Variants in CELF2 observed in about 807,000 individuals in gnomAD.
CELF2 encodes CUG triplet repeat RNA-binding protein 2.
A neutral mutation model predicts 62.6 loss-of-function variants in CELF2; 8 were observed. The ratio of observed to expected loss-of-function variants is 0.13; its 90% CI spans 0.07 to 0.23. The LOEUF (loss-of-function observed/expected upper bound fraction) is 0.23. CELF2 is among the 10% of genes least tolerant of loss of function. CELF2 has a pLI of 1.00. For synonymous variants in CELF2, 258 were observed against 250.0 expected (o/e 1.03, Z -0.30); for missense variants, 333 against 671.0 (o/e 0.50, Z 5.56).
At chr10:10,602,389 A>G in the CELF2 span, among the ~76,000 whole-genome samples, 63 of 152,242 alleles carry the variant, frequency 4.1e-4, no homozygotes, top group Non-Finnish European at 7.9e-4. Context: ...ACTCTTACTC[A>G]TGTGTAGTCC....
the CELF2 span, among the ~76,000 whole-genome samples, chr10:10,721,386 C>A: frequency 1.8e-4 from 28 of 152,202 alleles, no homozygotes; most frequent in African/African-American, 6.3e-4. Flanking sequence ...CTATACCCAA[C>A]CATCAAATAT....
the CELF2 span, among the ~76,000 whole-genome samples, chr10:10,610,114 C>T: frequency 6.6e-6 from 1 of 152,172 alleles, no homozygotes; most frequent in Admixed American, 6.5e-5. Context: ...TTAGTTCAGG[C>T]TGCAATACCC....
intron 2 of CELF2, among the ~76,000 whole-genome samples, chr10:10,927,488 C>T (rs2065641574): frequency 6.6e-6 from 1 of 151,896 alleles, no homozygotes; most frequent in Non-Finnish European, 1.5e-5. Flanking sequence ...AGTTCAGTGG[C>T]ATGATCATAG....
chr10:11,326,329 C>T (rs765318066), intron 12 of CELF2, among the ~76,000 whole-genome samples: 2 of 152,212 alleles, frequency 1.3e-5, no homozygotes, highest in Non-Finnish European at 2.9e-5. Flanking sequence ...CATACACGCA[C>T]ACAAAGACAC....
intron 2 of CELF2, among the ~76,000 whole-genome samples, chr10:10,961,368 G>T (rs1423121838): frequency 6.6e-6 from 1 of 152,202 alleles, no homozygotes; most frequent in Non-Finnish European, 1.5e-5. Flanking sequence ...AAAGTAAGGA[G>T]TGGGTGATAT....
intron 1 of CELF2, among the ~76,000 whole-genome samples, chr10:10,809,462 A>G (rs985930290): frequency 6.6e-6 from 1 of 152,224 alleles, no homozygotes; most frequent in Non-Finnish European, 1.5e-5. Context: ...TTCGGGTTTC[A>G]TCTTATACTT....
intron 2 of CELF2, among the ~76,000 whole-genome samples, chr10:11,196,173 T>C (rs1469062088): frequency 1.3e-5 from 2 of 152,238 alleles, no homozygotes; most frequent in Admixed American, 1.3e-4. Context: ...TGGAGTCATT[T>C]AGACCAGTCG....
rs569247542 is a variant in CELF2 at position 11,207,034 on chromosome 10, G to C, written c.272-10391G>C. Reference sequence around the variant, plus strand: ...TTCATAGCTATTAGACAATTGAAATGGTTTAACATAAGTGTCTTATTTCAA... The same window carrying C: ...TTCATAGCTATTAGACAATTGAAATCGTTTAACATAAGTGTCTTATTTCAA... On this transcript the variant is annotated intron_variant, in intron 2 of 12. Transcript: ENST00000633077. The surrounding 1 kb of genome is among the most constrained non-coding windows in gnomAD (Gnocchi z 4.1). Among the ~76,000 whole-genome samples, 2 of 152,302 alleles carry C rather than the reference G, an allele frequency of 1.3e-5. No homozygotes were observed. The highest frequency in any genetic ancestry group is 6.5e-5 in the Admixed American group (1 of 15,304).
At chr10:10,838,358 T>C (rs1162253660) in intron 1 of CELF2, among the ~76,000 whole-genome samples, 1 of 152,058 alleles carries the variant, frequency 6.6e-6, no homozygotes, top group Non-Finnish European at 1.5e-5. Context: ...GTTGATCGCA[T>C]TTCTCCACTA....
upstream of CELF2, among the ~76,000 whole-genome samples, chr10:11,014,654 G>C (rs2056982315): frequency 1.3e-5 from 2 of 151,964 alleles, no homozygotes. Context: ...TGATAATTCA[G>C]TGCTCAATGA....
intron 2 of CELF2, among the ~76,000 whole-genome samples, chr10:10,920,176 G>A (rs2064757056): frequency 6.6e-6 from 1 of 152,186 alleles, no homozygotes; most frequent in Admixed American, 6.5e-5. Flanking sequence ...TATACATGAT[G>A]TAACCAGGAA....
intron 1 of CELF2, among the ~76,000 whole-genome samples, chr10:11,104,001 A>T (rs1808872256): frequency 6.6e-6 from 1 of 152,130 alleles, no homozygotes; most frequent in South Asian, 2.1e-4. Flanking sequence ...GTTTTTATTC[A>T]GCAAAGCATG....
At position 10,941,991 on chromosome 10, in the gene CELF2, CAAAA is replaced by C. The variant is rs3029016; in HGVS notation, c.89+22009_89+22012del. On this transcript the variant is annotated intron_variant, in intron 2 of 13. Transcript: ENST00000636488. Reference sequence around the variant, plus strand: ...CCTGGGTGACAGTGAGACTCTGTCTCAAAAAAAAAAAAAAAAAAAATCAAAAGTT... The same window carrying C: ...CCTGGGTGACAGTGAGACTCTGTCTCAAAAAAAAAAAAAAAATCAAAAGTT... 8.2e-3 allele frequency among the ~76,000 whole-genome samples: 932 copies of C among 113,278 alleles called. 5 individuals are homozygous for C. Among genetic ancestry groups the C allele is most frequent in the African/African-American group, 0.028 (861 of 30,338 alleles). The allele number at this position is 113,278 out of a possible 152,430, so 74.3% of individuals were successfully genotyped here. A position where few individuals can be genotyped will look rare whatever the true frequency, so the allele number is the denominator to read the frequency against.
chr10:11,108,357 T>TG (rs569986770), intron 1 of CELF2, among the ~76,000 whole-genome samples: 587 of 150,732 alleles, frequency 3.9e-3, no homozygotes, highest in Non-Finnish European at 6.7e-3. Flanking sequence ...TGTTTTTTTG[T>TG]TTGTTTTTTC....
At chr10:10,594,624 C>T in the CELF2 span, among the ~76,000 whole-genome samples, 1 of 152,164 alleles carries the variant, frequency 6.6e-6, no homozygotes, top group East Asian at 1.9e-4. Context: ...CCAATCATTA[C>T]AAGAATCAAA....
the CELF2 span, among the ~76,000 whole-genome samples, chr10:10,729,886 T>C: frequency 6.6e-6 from 1 of 152,332 alleles, no homozygotes; most frequent in South Asian, 2.1e-4. Context: ...GTGAAACCTG[T>C]GTATGACTCC....
At chr10:10,496,858 ATGG>A in the CELF2 span, among the ~76,000 whole-genome samples, 32 of 152,228 alleles carry the variant, frequency 2.1e-4, no homozygotes, top group African/African-American at 7.5e-4. Context: ...GGGAAGGAAG[ATGG>A]TGGAAGAAAG....
At chr10:10,842,485 T>A (rs558483658) in intron 1 of CELF2, among the ~76,000 whole-genome samples, 73 of 151,916 alleles carry the variant, frequency 4.8e-4, no homozygotes, top group Admixed American at 1.3e-3. Context: ...TTTTTGAGAG[T>A]TTTTTTTCTT....
the CELF2 span, among the ~76,000 whole-genome samples, chr10:10,619,953 G>T: frequency 6.6e-6 from 1 of 152,108 alleles, no homozygotes; most frequent in East Asian, 1.9e-4. Flanking sequence ...GCCCTAAGAG[G>T]TAAAATGGCT....
Sources: gnomAD v4.1 joint callset for allele counts (sites outside exome capture counted in the v4.1 genomes callset) on GRCh38, gnomAD v4.1.1 for gene constraint, Gnocchi (gnomAD v3.1) non-coding constraint, MANE v1.5 for transcripts, NCBI Gene and HGNC (gene_info 2026-07-23, HGNC 2026-07-21) for gene names.